Variants in C16orf78 observed in about 807,000 individuals in gnomAD.
C16orf78 encodes the protein chromosome 16 open reading frame 78.
In C16orf78, 19 loss-of-function variants were observed where a neutral mutation model predicts 27.3. The ratio of observed to expected loss-of-function variants is 0.70; its 90% CI spans 0.49 to 1.02. The LOEUF (loss-of-function observed/expected upper bound fraction) is 1.02. Among genes scored for constraint, C16orf78 ranks in the 50% least tolerant of loss-of-function variants. C16orf78 has a pLI of 0.00. For synonymous variants in C16orf78, 130 were observed against 116.1 expected (o/e 1.12, Z -0.77); for missense variants, 339 against 337.0 (o/e 1.01, Z -0.05).
chr16:49,387,234 T>A (rs558372865), intron 3 of C16orf78, among the ~76,000 whole-genome samples: 1 of 152,308 alleles, frequency 6.6e-6, no homozygotes, highest in South Asian at 2.1e-4. Flanking sequence ...GCTTGTTGGC[T>A]GCATGTATGT....
intron 3 of C16orf78, among the ~76,000 whole-genome samples, chr16:49,389,464 C>G (rs1965387805): frequency 6.6e-6 from 1 of 151,280 alleles, no homozygotes; most frequent in Non-Finnish European, 1.5e-5. Flanking sequence ...AGCGTGGTGA[C>G]ACACACCTGT....
In C16orf78 at chr16:49,385,750, C is replaced by T. The variant is rs571490152; in HGVS notation, c.394+7157C>T. ...AAAAGGAAAATAAATAAAAACATAC[C>T]GCTCCAAAAAGTCATTAAATCACAA... On this transcript the variant is annotated intron_variant, in intron 3 of 4. Coordinates refer to ENST00000299191, the MANE Select transcript of C16orf78 (RefSeq NM_144602.4). 3.7e-3 allele frequency among the ~76,000 whole-genome samples: 553 copies of T among 151,388 alleles called. 3 individuals carry two copies. The highest frequency in any genetic ancestry group is 0.014 in the Middle Eastern group (4 of 294).
chr16:49,378,601 A>G lies in C16orf78; in HGVS notation c.394+8A>G. 1.9e-6 allele frequency: 3 copies of G among 1,613,764 alleles called. No homozygotes were observed. The highest frequency in any genetic ancestry group is 1.7e-4 in the Middle Eastern group (1 of 6,060). ...ATGGCCCCAAGAAATCTGGTAAGGG[A>G]AAAACCTTGGCCCCGGCCACCAGAA... On this transcript the variant is annotated splice_region_variant and intron_variant, in intron 3 of 4. Coordinates refer to ENST00000299191, the MANE Select transcript of C16orf78 (RefSeq NM_144602.4).
intron 1 of C16orf78, 58 bp from the exon 2 acceptor site, chr16:49,377,673 G>A (rs1455150397): frequency 6.4e-7 from 1 of 1,568,412 alleles, no homozygotes; most frequent in Non-Finnish European, 8.6e-7. Flanking sequence ...TTGGGGAAAG[G>A]GAGGGGATGC....
chr16:49,378,932 A>G (rs1373307601), intron 3 of C16orf78, among the ~76,000 whole-genome samples: 1 of 152,176 alleles, frequency 6.6e-6, no homozygotes, highest in East Asian at 1.9e-4. Flanking sequence ...TAATTAATTT[A>G]GATACTGTGA....
At chr16:49,374,216 T>G in intron 1 of C16orf78, 127 bp downstream of exon 1, 1 of 1,150,548 alleles carries the variant, frequency 8.7e-7, no homozygotes, top group Non-Finnish European at 1.2e-6. Context: ...GATAAGCTAG[T>G]GAGAACTACC....
intron 3 of C16orf78, among the ~76,000 whole-genome samples, chr16:49,385,985 T>A (rs932723355): frequency 8.5e-5 from 13 of 152,182 alleles, no homozygotes; most frequent in Admixed American, 4.6e-4. Context: ...CACTTTAGCT[T>A]TAAGGACACA....
rs1449318835 is a variant in C16orf78 at position 49,396,459 on chromosome 16, C to T, written c.431C>T (p.Thr144Ile). ...AAGGATGCAGTCGACCCAGAGTCCA[C>T]TCAGCGGCCAAACCCATTCCGTCGA... The part of the protein sequence containing the change: ...DIKDAVDPES[T>I]QRPNPFRRQS... The change falls in exon 4 of 5, where the codon ACT (threonine) becomes ATT (isoleucine). Residue 144 changes from threonine to isoleucine, a missense_variant. Coordinates refer to ENST00000299191, the MANE Select transcript of C16orf78 (RefSeq NM_144602.4). 3 of 1,614,078 alleles carry T rather than the reference C, an allele frequency of 1.9e-6. No homozygotes were observed. In the African/African-American group the frequency reaches 4.0e-5, roughly 22 times the overall value.
At chr16:49,385,724 T>A (rs1965342747) in intron 3 of C16orf78, among the ~76,000 whole-genome samples, 1 of 147,562 alleles carries the variant, frequency 6.8e-6, no homozygotes. Context: ...AGCAAATAAA[T>A]AAAAGGAAAA....
At chr16:49,382,963 A>C (rs892905768) in intron 3 of C16orf78, among the ~76,000 whole-genome samples, 1 of 152,228 alleles carries the variant, frequency 6.6e-6, no homozygotes, top group African/African-American at 2.4e-5. Context: ...CCAGCTGATT[A>C]AATAATTATT....
intron 3 of C16orf78, among the ~76,000 whole-genome samples, chr16:49,381,331 CT>C (rs1238601481): frequency 6.6e-6 from 1 of 152,090 alleles, no homozygotes; most frequent in Non-Finnish European, 1.5e-5. Flanking sequence ...TGTAGTTCTC[CT>C]TGAAGAGGTC....
intron 3 of C16orf78, among the ~76,000 whole-genome samples, chr16:49,393,157 T>C (rs1330379351): frequency 1.2e-4 from 19 of 152,156 alleles, no homozygotes; most frequent in Admixed American, 1.2e-3. Context: ...AACAGACTCA[T>C]ACAGCATAGT....
At chr16:49,377,690 C>T (rs1677388099) in intron 1 of C16orf78, 41 bp from the exon 2 acceptor site, 2 of 1,588,384 alleles carry the variant, frequency 1.3e-6, no homozygotes, top group African/African-American at 1.3e-5. Context: ...ATGCTGTCCC[C>T]ACAGCAGTGG....
At chr16:49,389,188 G>A (rs152659) in intron 3 of C16orf78, among the ~76,000 whole-genome samples, 45,805 of 151,946 alleles carry the variant, frequency 0.3, 9,791 homozygotes, top group African/African-American at 0.61. Flanking sequence ...TTTGGGAGAC[G>A]GAGGTGGGTG....
rs113764141 is a variant in C16orf78 at position 49,390,626 on chromosome 16, A to C, written c.395-5797A>C. On this transcript the variant is annotated intron_variant, in intron 3 of 4. Coordinates refer to ENST00000299191, the MANE Select transcript of C16orf78 (RefSeq NM_144602.4). ...TGACCCTGCCTTGGAGGGCATAACA[A>C]GAGTATGTCATACTAGCTGTTGCCA... Among the ~76,000 whole-genome samples the C allele has an allele frequency of 9.6e-3, 1,461 of 152,362 alleles. 18 individuals are homozygous for C. The highest frequency in any genetic ancestry group is 0.024 in the Middle Eastern group (7 of 294).
chr16:49,393,667 C>T (rs1567394562), intron 3 of C16orf78, among the ~76,000 whole-genome samples: 1 of 151,502 alleles, frequency 6.6e-6, no homozygotes, highest in East Asian at 1.9e-4. Flanking sequence ...AAAGAAAATG[C>T]CAACACTTTT....
intron 3 of C16orf78, among the ~76,000 whole-genome samples, chr16:49,385,084 A>G (rs1293263890): frequency 2.0e-5 from 3 of 152,200 alleles, no homozygotes; most frequent in African/African-American, 7.2e-5. Context: ...ACAATGTAAA[A>G]CACATGAATG....
At position 49,396,548 on chromosome 16, in the gene C16orf78, A is replaced by G. The variant is rs144220022; in HGVS notation, c.520A>G (p.Ile174Val). 10 of 1,610,726 alleles carry G rather than the reference A, an allele frequency of 6.2e-6. No homozygotes were observed. In the African/African-American group the frequency reaches 1.4e-4, roughly 22 times the overall value. The change falls in exon 4 of 5, where the codon ATA (isoleucine) becomes GTA (valine). Residue 174 changes from isoleucine to valine, a missense_variant. Physicochemically the swap from Ile to Val is conservative, Grantham distance 29. Coordinates refer to ENST00000299191, the MANE Select transcript of C16orf78 (RefSeq NM_144602.4). ...CTTTAACAGCCAGAGGGCAACCTTC[A>G]TAAGAGACTGGTCCAACAAGATGCC... ...GTFNSQRATF[I>V]RDWSNKMPDM...
chr16:49,393,369 T>C (rs1965437040), intron 3 of C16orf78, among the ~76,000 whole-genome samples: 1 of 152,150 alleles, frequency 6.6e-6, no homozygotes, highest in Non-Finnish European at 1.5e-5. Context: ...ATCCAAACAA[T>C]ATTTACAAAA....
Sources: allele counts gnomAD v4.1 joint callset (sites outside exome capture counted in the v4.1 genomes callset), GRCh38; gene constraint gnomAD v4.1.1; transcripts MANE v1.5; gene names NCBI Gene and HGNC (gene_info 2026-07-23, HGNC 2026-07-21).